CDH13: variants seen among roughly 807,000 people sequenced by gnomAD.
The protein encoded by CDH13 is cadherin 13.
Under a neutral mutation model 63.8 loss-of-function variants are expected in CDH13, and 24 were observed. The observed-to-expected ratio is 0.38, with a 90% CI of 0.27 to 0.53. CDH13 has a LOEUF of 0.53. CDH13 is among the 20% of genes least tolerant of loss of function. CDH13 has a pLI of 0.85. For synonymous variants in CDH13, 503 were observed against 355.3 expected, an observed-to-expected ratio of 1.42 and a Z score of -4.67; for missense variants, 1,049 against 903.1, an observed-to-expected ratio of 1.16 and a Z score of -2.07.
chr16:83,715,895 A>T (rs1908827112), intron 10 of CDH13, among the ~76,000 whole-genome samples: 1 of 152,200 alleles, frequency 6.6e-6, no homozygotes, highest in African/African-American at 2.4e-5. Context: ...GGTGGGGAAA[A>T]AAACAACAGA....
At chr16:83,579,890 G>A (rs1293080572) in intron 7 of CDH13, among the ~76,000 whole-genome samples, 1 of 152,082 alleles carries the variant, frequency 6.6e-6, no homozygotes, top group Non-Finnish European at 1.5e-5. Context: ...CTTCACAGGG[G>A]AGTAACATTT....
chr16:82,796,248 C>T (rs558589659), intron 1 of CDH13, among the ~76,000 whole-genome samples: 1 of 152,300 alleles, frequency 6.6e-6, no homozygotes, highest in African/African-American at 2.4e-5. Context: ...CCATTAGTCT[C>T]TACTGACCCC....
intron 2 of CDH13, among the ~76,000 whole-genome samples, chr16:83,006,921 T>TTTC: frequency 9.3e-6 from 1 of 107,104 alleles, no homozygotes; most frequent in Admixed American, 9.0e-5. Flanking sequence ...TGTTTGTTTG[T>TTTC]TTGTTTGTTT....
intron 4 of CDH13, among the ~76,000 whole-genome samples, chr16:83,177,549 G>A (rs974226570): frequency 2.0e-5 from 3 of 152,164 alleles, no homozygotes; most frequent in Admixed American, 1.3e-4. Flanking sequence ...CCTTAGTATT[G>A]TTGTGAGGAT....
At chr16:83,566,439 A>C (rs1598299834) in intron 7 of CDH13, among the ~76,000 whole-genome samples, 1 of 152,166 alleles carries the variant, frequency 6.6e-6, no homozygotes, top group East Asian at 1.9e-4. Context: ...GACTGTGGGA[A>C]ACCGAAACAC....
At chr16:83,197,257 TG>T (rs1431610395) in intron 4 of CDH13, among the ~76,000 whole-genome samples, 1 of 147,598 alleles carries the variant, frequency 6.8e-6, no homozygotes, top group Non-Finnish European at 1.5e-5. Context: ...TTAATGTTTG[TG>T]GGTGTATCAT....
At chr16:83,328,082 G>A (rs902855874) in intron 5 of CDH13, among the ~76,000 whole-genome samples, 1 of 149,508 alleles carries the variant, frequency 6.7e-6, no homozygotes, top group African/African-American at 2.5e-5. Flanking sequence ...GCAGTGAGCC[G>A]AGATGGCACC....
intron 6 of CDH13, among the ~76,000 whole-genome samples, chr16:83,460,326 C>T (rs2073142421): frequency 6.6e-6 from 1 of 152,218 alleles, no homozygotes; most frequent in Non-Finnish European, 1.5e-5. Context: ...CTTTGAAGAA[C>T]AGTTTGTCAT....
At chr16:83,285,549 A>C (rs938744121) in intron 5 of CDH13, among the ~76,000 whole-genome samples, 6 of 152,214 alleles carry the variant, frequency 3.9e-5, no homozygotes, top group Admixed American at 2.0e-4. Context: ...ACCATAAAAA[A>C]AGCAATGTAA....
rs1051787302 is a variant in CDH13, at chr16:83,795,931, G to A, written c.*901G>A. 6.6e-6 allele frequency: 1 copy of A among 152,558 alleles called. No individual in the cohort carries two copies. The highest frequency in any genetic ancestry group is 6.5e-5 in the Admixed American group (1 of 15,276). The allele number at this position is 152,558 out of a possible 1,614,324, so 9.5% of individuals were successfully genotyped here. Reference sequence around the variant, plus strand: ...TACAACTGCACCTGTCATCATGGAGGTCATACATGCATACAAAGAGGTGTA... The same window carrying A: ...TACAACTGCACCTGTCATCATGGAGATCATACATGCATACAAAGAGGTGTA... On this transcript the variant is annotated 3_prime_UTR_variant, in exon 14 of 14. Coordinates refer to ENST00000567109, the MANE Select transcript of CDH13 (RefSeq NM_001257.5).
intron 3 of CDH13, among the ~76,000 whole-genome samples, chr16:83,085,125 G>A (rs1427099967): frequency 6.6e-6 from 1 of 151,874 alleles, no homozygotes; most frequent in Non-Finnish European, 1.5e-5. Context: ...AAGAAAAAGA[G>A]GTTTAATTGG....
In CDH13 at chr16:82,757,896, G is replaced by A. The variant is rs534730640; in HGVS notation, c.46-100466G>A. Among the ~76,000 whole-genome samples, 252 of 152,198 alleles carry A rather than the reference G, an allele frequency of 1.7e-3. 14 individuals carry two copies. In the South Asian group the frequency reaches 0.05, roughly 30 times the overall value. On this transcript the variant is annotated intron_variant, in intron 1 of 13. Transcript: ENST00000567109. Reference sequence around the variant, plus strand: ...GATTTCTTGACCTCGTGATCCGCCCGCCTCGGCCTCCCAAAGTGCTGAGAT... The same window carrying A: ...GATTTCTTGACCTCGTGATCCGCCCACCTCGGCCTCCCAAAGTGCTGAGAT...
At position 82,697,643 on chromosome 16, in the gene CDH13, T is replaced by C. The variant is rs551669032; in HGVS notation, c.45+70506T>C. Among the ~76,000 whole-genome samples the C allele has an allele frequency of 6.6e-5, 10 of 152,024 alleles. No homozygotes were observed. In the East Asian group the frequency reaches 1.7e-3, roughly 27 times the overall value. ...CGGGATTTCACCATGTAGACCAGGCTGGTCTCAAACTCCTGACCTCATGAT... is the reference window on the plus strand; with the variant it reads ...CGGGATTTCACCATGTAGACCAGGCCGGTCTCAAACTCCTGACCTCATGAT... On this transcript the variant is annotated intron_variant, in intron 1 of 13. Coordinates refer to ENST00000567109, the MANE Select transcript of CDH13 (RefSeq NM_001257.5).
At chr16:83,786,556 CTTTCT>C (rs1221061144) in intron 13 of CDH13, among the ~76,000 whole-genome samples, 1 of 149,378 alleles carries the variant, frequency 6.7e-6, no homozygotes, top group Non-Finnish European at 1.5e-5. Context: ...TTTCCTTTGT[CTTTCT>C]TTTCTTTTTT....
At chr16:83,378,830 C>T (rs1169250589) in intron 6 of CDH13, among the ~76,000 whole-genome samples, 1 of 152,088 alleles carries the variant, frequency 6.6e-6, no homozygotes, top group East Asian at 1.9e-4. Context: ...TTTACAAACA[C>T]CCTAAAATCA....
At chr16:83,061,341 G>C (rs1032522132) in intron 3 of CDH13, among the ~76,000 whole-genome samples, 4 of 151,756 alleles carry the variant, frequency 2.6e-5, no homozygotes, top group African/African-American at 9.8e-5. Flanking sequence ...GTCCGGATGA[G>C]TGGATTTTTT....
At chr16:83,003,571 G>A (rs1041086697) in intron 2 of CDH13, among the ~76,000 whole-genome samples, 6 of 152,230 alleles carry the variant, frequency 3.9e-5, no homozygotes, top group Admixed American at 3.9e-4. Context: ...AGCAAGTATA[G>A]CTCAATTGCA....
At chr16:82,782,412 T>G (rs2035798496) in intron 1 of CDH13, among the ~76,000 whole-genome samples, 1 of 151,952 alleles carries the variant, frequency 6.6e-6, no homozygotes, top group African/African-American at 2.4e-5. Flanking sequence ...ATACAAACAT[T>G]AGCCAGGCAA....
intron 5 of CDH13, among the ~76,000 whole-genome samples, chr16:83,295,339 C>G (rs753957175): frequency 2.4e-4 from 37 of 151,974 alleles, no homozygotes; most frequent in Non-Finnish European, 4.9e-4. Context: ...TTGGACATAA[C>G]CTCAAAAGCA....
Sources: allele counts gnomAD v4.1 joint callset (sites outside exome capture counted in the v4.1 genomes callset), GRCh38; gene constraint gnomAD v4.1.1; transcripts MANE v1.5; gene names NCBI Gene and HGNC (gene_info 2026-07-23, HGNC 2026-07-21).